COL6A5: variants seen among roughly 807,000 people sequenced by gnomAD.
COL6A5 encodes collagen type VI alpha 5 chain, also known as collagen alpha-5(VI) chain.
In COL6A5, 48 loss-of-function variants were observed where a neutral mutation model predicts 65.6. The observed-to-expected ratio is 0.73, with a 90% CI of 0.58 to 0.93. COL6A5 has a LOEUF of 0.93. COL6A5 is among the 40% of genes least tolerant of loss of function. The pLI is 0.00. For missense variants in COL6A5, 914 were observed against 928.3 expected, an observed-to-expected ratio of 0.98 and a Z score of 0.20; for synonymous variants, 291 against 322.8, an observed-to-expected ratio of 0.90 and a Z score of 1.05.
At chr3:130,471,389 C>A (rs2107616880) in intron 7 of COL6A5, among the ~76,000 whole-genome samples, 1 of 152,080 alleles carries the variant, frequency 6.6e-6, no homozygotes, top group South Asian at 2.1e-4. Context: ...TGAAGATTGG[C>A]AGGAAGGATT....
At chr3:130,437,342 T>A (rs1233235956) in intron 1 of COL6A5, among the ~76,000 whole-genome samples, 3 of 152,088 alleles carry the variant, frequency 2.0e-5, no homozygotes, top group African/African-American at 4.8e-5. Flanking sequence ...AAAAAATATA[T>A]ATCCAGAATT....
exon 3 of COL6A5, chr3:130,376,372 G>A (rs1405652669): frequency 1.9e-5 from 31 of 1,613,504 alleles, no homozygotes; most frequent in Middle Eastern, 1.6e-4. Context: ...AACAAATACC[G>A]TGTAGCCCTG....
intron 6 of COL6A5, among the ~76,000 whole-genome samples, chr3:130,390,871 A>G (rs543669092): frequency 1.5e-4 from 23 of 152,334 alleles, no homozygotes; most frequent in African/African-American, 5.5e-4. Flanking sequence ...AAGCCTGCTT[A>G]GCAAAAGACA....
intron 5 of COL6A5, among the ~76,000 whole-genome samples, chr3:130,464,855 T>C (rs1245253741): frequency 6.6e-6 from 1 of 152,068 alleles, no homozygotes. Context: ...ATGTATGTAT[T>C]GATAAAGGAA....
exon 4 of COL6A5, chr3:130,379,816 G>A: frequency 2.6e-6 from 4 of 1,551,388 alleles, no homozygotes; most frequent in Non-Finnish European, 3.5e-6. Context: ...TGAGGTGCAT[G>A]ATGCTGCGCT....
At chr3:130,383,190 G>T (rs1056986261) in intron 4 of COL6A5, among the ~76,000 whole-genome samples, 1 of 152,074 alleles carries the variant, frequency 6.6e-6, no homozygotes, top group Non-Finnish European at 1.5e-5. Flanking sequence ...GAAATATTCT[G>T]TATCTATGCT....
rs548944385 is a variant in COL6A5, at chr3:130,456,610, A to G, written c.1544+944A>G. 2.0e-5 allele frequency among the ~76,000 whole-genome samples: 3 copies of G among 152,232 alleles called. No homozygotes were observed. The South Asian group carries it at 6.2e-4, about 32-fold the overall frequency. ...AAATATATACACCTACTCTATATCC[A>G]TATAAATTAAAAATATATGTATTTT... On this transcript the variant is annotated intron_variant, in intron 5 of 7. Transcript: ENST00000512836.
chr3:130,469,506 G>C (rs1449181307), intron 6 of COL6A5, 25 bp downstream of exon 38: 1 of 1,553,762 alleles, frequency 6.4e-7, no homozygotes, highest in African/African-American at 1.4e-5. Flanking sequence ...CTCTTTGATT[G>C]CTTTTGCAAT....
rs560848655 is a variant in COL6A5 at position 130,365,321 on chromosome 3, A to G, written c.-28-8290A>G. Among the ~76,000 whole-genome samples the G allele has an allele frequency of 4.6e-5, 7 of 152,230 alleles. No homozygotes were observed. The South Asian group carries it at 1.5e-3, about 32-fold the overall frequency. ...GAGACGGAGTCTCACTCTGTCGCCC[A>G]GGCTGGAGAGCAGTGGCGAGATCTC... On this transcript the variant is annotated intron_variant and NMD_transcript_variant, in intron 1 of 41. Transcript: ENST00000312481.
intron 7 of COL6A5, among the ~76,000 whole-genome samples, chr3:130,477,697 T>C (rs904006314): frequency 2.0e-5 from 3 of 151,990 alleles, no homozygotes; most frequent in Admixed American, 6.6e-5. Flanking sequence ...ATTCTGGAGG[T>C]GGAGCCTCCA....
At chr3:130,461,629 C>T (rs775756243) in intron 5 of COL6A5, among the ~76,000 whole-genome samples, 1 of 151,932 alleles carries the variant, frequency 6.6e-6, no homozygotes, top group Non-Finnish European at 1.5e-5. Flanking sequence ...GTCATTTCTG[C>T]ATTTACAAAT....
At chr3:130,370,952 G>A (rs549235945) in intron 1 of COL6A5, among the ~76,000 whole-genome samples, 1 of 152,160 alleles carries the variant, frequency 6.6e-6, no homozygotes, top group African/African-American at 2.4e-5. Context: ...CTGGGCTCCA[G>A]TGTTCATAAG....
chr3:130,414,194 C>G, intron 22 of COL6A5, 63 bp downstream of exon 22: 1 of 1,246,976 alleles, frequency 8.0e-7, no homozygotes, highest in South Asian at 1.3e-5. Context: ...GGGAAGAAGG[C>G]AGGTATTTCT....
Position 130,383,246 on chromosome 3 carries a change from G to A in COL6A5, c.1301-1558G>A, listed in dbSNP as rs114143887. Among the ~76,000 whole-genome samples the A allele has an allele frequency of 4.9e-3, 746 of 152,128 alleles. 4 individuals carry two copies. The highest frequency in any genetic ancestry group is 0.017 in the African/African-American group (725 of 41,518). ...TATGGAGCTGTTAAGCACTTGAAAT[G>A]TAGCTAGTGTACTCAAGAAGATGAC... On this transcript the variant is annotated intron_variant and NMD_transcript_variant, in intron 4 of 41. Coordinates refer to the COL6A5 transcript ENST00000312481.
rs577577435 is a variant in COL6A5 at position 130,442,211 on chromosome 3, T to A, written c.1242-1265T>A. ...ATTAGAGCATTTTGTTTTATAGCAA[T>A]TGAAAGAGTTCTTTTGGATGTATAG... On this transcript the variant is annotated intron_variant, in intron 3 of 7. Coordinates refer to ENST00000512836, the Ensembl canonical transcript of COL6A5. 1.4e-4 allele frequency among the ~76,000 whole-genome samples: 21 copies of A among 152,260 alleles called. 1 individual carries two copies. The South Asian group carries it at 4.4e-3, about 32-fold the overall frequency.
intron 4 of COL6A5, among the ~76,000 whole-genome samples, chr3:130,452,848 G>T (rs1239018697): frequency 6.6e-6 from 1 of 152,118 alleles, no homozygotes; most frequent in Admixed American, 6.6e-5. Flanking sequence ...ACCCAAGGGG[G>T]CCATTTTAGA....
chr3:130,479,694 G>A (rs891668053), intron 7 of COL6A5, among the ~76,000 whole-genome samples: 6 of 152,024 alleles, frequency 3.9e-5, no homozygotes, highest in African/African-American at 1.4e-4. Flanking sequence ...CTAAATTGAA[G>A]CTTCAAAATT....
intron 7 of COL6A5, among the ~76,000 whole-genome samples, chr3:130,472,138 T>C (rs1709968495): frequency 6.6e-6 from 1 of 151,994 alleles, no homozygotes; most frequent in South Asian, 2.1e-4. Context: ...CAAGCAGGTA[T>C]AAATGCTTGG....
chr3:130,442,507 C>T (rs1709208366), intron 3 of COL6A5, among the ~76,000 whole-genome samples: 2 of 152,198 alleles, frequency 1.3e-5, no homozygotes, highest in Non-Finnish European at 2.9e-5. Flanking sequence ...AAGTAGCCTA[C>T]TGTTGACTTC....
Sources: gnomAD v4.1 joint callset for allele counts (sites outside exome capture counted in the v4.1 genomes callset) on GRCh38, gnomAD v4.1.1 for gene constraint, MANE v1.5 for transcripts, NCBI Gene and HGNC (gene_info 2026-07-23, HGNC 2026-07-21) for gene names.